The following TCF7L2 variants were observed in gnomAD, a reference collection of about 807,000 sequenced individuals.
TCF7L2 encodes the protein transcription factor 7-like 2.
A neutral mutation model predicts 77.9 loss-of-function variants in TCF7L2; 23 were observed. The observed-to-expected ratio is 0.30, with a 90% confidence interval of 0.21 to 0.42. TCF7L2 has a LOEUF of 0.42. TCF7L2 is among the 10% of genes least tolerant of loss of function. The pLI is 1.00. For synonymous variants in TCF7L2, 413 were observed against 340.2 expected (o/e 1.21, Z -2.36); for missense variants, 654 against 793.1 (o/e 0.82, Z 2.11).
rs370042116 is a variant in TCF7L2, at chr10:113,024,127, A to G, written c.451-15898A>G. Among the ~76,000 whole-genome samples, 4 of 151,750 alleles carry G rather than the reference A, an allele frequency of 2.6e-5. No individual in the cohort carries two copies. The South Asian group carries it at 8.3e-4, about 32-fold the overall frequency. Reference sequence around the variant, plus strand: ...AGCCTGGCCAACATAGTAAAACCCCATCTCTACTAAAAATACAAAAATTAG... The same window carrying G: ...AGCCTGGCCAACATAGTAAAACCCCGTCTCTACTAAAAATACAAAAATTAG... On this transcript the variant is annotated intron_variant, in intron 4 of 13. Transcript: ENST00000627217.
chr10:113,089,427 C>T, intron 5 of TCF7L2: 1 of 1,613,808 alleles, frequency 6.2e-7, no homozygotes, highest in Non-Finnish European at 8.5e-7. Context: ...CACTCAGGGA[C>T]ATGACTGTCA....
At chr10:113,161,013 T>G (rs935791769) in intron 13 of TCF7L2, among the ~76,000 whole-genome samples, 2 of 152,216 alleles carry the variant, frequency 1.3e-5, no homozygotes, top group South Asian at 4.1e-4. Context: ...TATGAATGCC[T>G]TGGTGGCCCG....
At chr10:113,140,691 T>C (rs1031969907) in intron 5 of TCF7L2, among the ~76,000 whole-genome samples, 2 of 152,074 alleles carry the variant, frequency 1.3e-5, no homozygotes, top group African/African-American at 4.8e-5. Flanking sequence ...GGATAGGAGC[T>C]GTCGGGGGGT....
chr10:113,101,946 C>A (rs376519072), intron 5 of TCF7L2, among the ~76,000 whole-genome samples: 2 of 150,390 alleles, frequency 1.3e-5, no homozygotes, highest in Non-Finnish European at 3.0e-5. Context: ...TGAGACCAGC[C>A]TGGGCAACAT....
chr10:113,117,696 A>T (rs1054769791), intron 5 of TCF7L2, among the ~76,000 whole-genome samples: 1 of 152,220 alleles, frequency 6.6e-6, no homozygotes, highest in Non-Finnish European at 1.5e-5. Flanking sequence ...CAGCTAATAG[A>T]TATCTCTGCC....
intron 5 of TCF7L2, among the ~76,000 whole-genome samples, chr10:113,113,527 G>A (rs148743770): frequency 2.0e-5 from 3 of 152,200 alleles, no homozygotes; most frequent in Non-Finnish European, 2.9e-5. Flanking sequence ...TGTGTTGCTC[G>A]CACCTTCACC....
intron 3 of TCF7L2, among the ~76,000 whole-genome samples, 177 bp from the exon 4 acceptor site, chr10:112,964,374 TTTACC>T (rs1449935160): frequency 1.3e-5 from 2 of 152,036 alleles, no homozygotes; most frequent in Non-Finnish European, 2.9e-5. Context: ...ACAAAAAAAC[TTTACC>T]TTAGATTGTT....
intron 5 of TCF7L2, among the ~76,000 whole-genome samples, chr10:113,072,333 C>T (rs566137998): frequency 4.6e-5 from 7 of 150,600 alleles, no homozygotes; most frequent in African/African-American, 1.2e-4. Flanking sequence ...GGATTACTGG[C>T]GTGAGTCACC....
At chr10:113,087,193 G>A (rs1369561398) in intron 5 of TCF7L2, among the ~76,000 whole-genome samples, 3 of 152,178 alleles carry the variant, frequency 2.0e-5, no homozygotes, top group African/African-American at 7.2e-5. Context: ...TTGTGTGTGT[G>A]TTTAACATTT....
intron 5 of TCF7L2, among the ~76,000 whole-genome samples, chr10:113,081,961 C>G (rs2059355067): frequency 6.6e-6 from 1 of 152,142 alleles, no homozygotes; most frequent in Non-Finnish European, 1.5e-5. Flanking sequence ...CCTCAGCCTC[C>G]TGAGTATGTG....
At chr10:113,004,946 T>C (rs549001477) in intron 4 of TCF7L2, among the ~76,000 whole-genome samples, 2 of 152,280 alleles carry the variant, frequency 1.3e-5, no homozygotes, top group Non-Finnish European at 2.9e-5. Flanking sequence ...AGGCTGTGAT[T>C]ACAGGTGTGA....
rs176632 is a variant in TCF7L2, at chr10:113,151,320, T to C, written c.1001+197T>C. 0.89 allele frequency among the ~76,000 whole-genome samples: 135,172 copies of C among 152,080 alleles called. 60,242 individuals carry two copies. Among genetic ancestry groups the C allele is most frequent in the East Asian group, 1 (5,156 of 5,176 alleles). Reference sequence around the variant, plus strand: ...GTGGCAGAATCTCACTGTACCACCGTGGGTTAGAACAGAACTGTTTTTTGT... The same window carrying C: ...GTGGCAGAATCTCACTGTACCACCGCGGGTTAGAACAGAACTGTTTTTTGT... On this transcript the variant is annotated intron_variant, in intron 9 of 13. Transcript: ENST00000627217. The surrounding 1 kb of genome is among the most constrained non-coding windows in gnomAD (Gnocchi z 5.2).
chr10:113,129,683 C>T, intron 5 of TCF7L2: 3 of 1,191,316 alleles, frequency 2.5e-6, no homozygotes, highest in Non-Finnish European at 3.2e-6. Context: ...GGAGCCATTT[C>T]GATCTTTTTA....
intron 4 of TCF7L2, among the ~76,000 whole-genome samples, chr10:113,001,939 G>A (rs1305199716): frequency 2.0e-5 from 3 of 152,124 alleles, no homozygotes; most frequent in African/African-American, 7.2e-5. Flanking sequence ...TAAGGTCTGA[G>A]CCCAGCTGTT....
Position 113,165,777 on chromosome 10 carries a change from C to G in TCF7L2, c.1614C>G (p.Leu538=), listed in dbSNP as rs2074008614. Residue 538 remains leucine (L), a synonymous_variant, in exon 14 of 14, where the codon CTC becomes CTG. Transcript: ENST00000627217. ...CCATGATGCCTCCGCCACCCGCCCTCCTGCTCGCTGAGGCCACCCACAAGG... is the reference window on the plus strand; with the variant it reads ...CCATGATGCCTCCGCCACCCGCCCTGCTGCTCGCTGAGGCCACCCACAAGG... The G allele has an allele frequency of 8.1e-6, 13 of 1,607,338 alleles. No individual in the cohort carries two copies. Among genetic ancestry groups the G allele is most frequent in the South Asian group, 1.1e-5 (1 of 90,070 alleles).
intron 5 of TCF7L2, among the ~76,000 whole-genome samples, chr10:113,117,427 CT>C (rs2063960548): frequency 7.8e-5 from 3 of 38,658 alleles, no homozygotes; most frequent in Non-Finnish European, 1.6e-4. Flanking sequence ...CTCTCTCTCT[CT>C]CTCTCCCTCT....
chr10:113,152,792 G>A (rs1318105285), intron 11 of TCF7L2, among the ~76,000 whole-genome samples: 3 of 152,196 alleles, frequency 2.0e-5, no homozygotes, highest in Admixed American at 2.0e-4. Context: ...GGTTCCGCAG[G>A]CTCCTCAGCA....
At chr10:113,131,989 G>A (rs1341429889) in intron 5 of TCF7L2, 1 of 152,272 alleles carries the variant, frequency 6.6e-6, no homozygotes, top group Non-Finnish European at 1.5e-5. Flanking sequence ...TGGTGACTCT[G>A]TGTCATTTTC....
rs1477695371 is a variant in TCF7L2, at chr10:112,951,190, T to TCCAC, written c.190-14_190-11dup. Reference sequence around the variant, plus strand: ...GCGTTTGCCCCTCGCCCTCCCCACCTCCACCCCTCTGGGAAGGCGGAAAGA... The same window carrying TCCAC: ...GCGTTTGCCCCTCGCCCTCCCCACCTCCACCCACCCCTCTGGGAAGGCGGAAAGA... On this transcript the variant is annotated splice_polypyrimidine_tract_variant and intron_variant, in intron 1 of 13. Transcript: ENST00000627217. The TCCAC allele has an allele frequency of 6.5e-7, 1 of 1,535,516 alleles. No individual in the cohort carries two copies. Among genetic ancestry groups the TCCAC allele is most frequent in the Admixed American group, 2.0e-5 (1 of 50,176 alleles).
Sources: allele counts gnomAD v4.1 joint callset (sites outside exome capture counted in the v4.1 genomes callset), GRCh38; gene constraint gnomAD v4.1.1; non-coding constraint Gnocchi (gnomAD v3.1); transcripts MANE v1.5; gene names NCBI Gene and HGNC (gene_info 2026-07-23, HGNC 2026-07-21).